GAREM1: variants seen among roughly 807,000 people sequenced by gnomAD.
GAREM1 encodes the protein GRB2-associated and regulator of MAPK protein 1.
In GAREM1, 26 loss-of-function variants were observed where a neutral mutation model predicts 71.3. The observed-to-expected ratio is 0.36, with a 90% confidence interval of 0.27 to 0.51. The LOEUF (loss-of-function observed/expected upper bound fraction) is 0.51. Ranked by LOEUF, GAREM1 falls within the 20% of genes least tolerant of loss-of-function variation. The pLI, the probability that GAREM1 is intolerant of heterozygous loss-of-function variation, is 0.95. For missense variants in GAREM1, 1,026 were observed against 1,103.1 expected (o/e 0.93, Z 0.99); for synonymous variants, 440 against 433.2 (o/e 1.02, Z -0.20).
At chr18:32,355,770 G>A (rs775777779) in intron 2 of GAREM1, among the ~76,000 whole-genome samples, 3 of 152,072 alleles carry the variant, frequency 2.0e-5, no homozygotes, top group Non-Finnish European at 4.4e-5. Context: ...AGATTTTTAA[G>A]CAAATGGATG....
At chr18:32,353,611 A>G (rs2047775182) in intron 2 of GAREM1, among the ~76,000 whole-genome samples, 1 of 152,252 alleles carries the variant, frequency 6.6e-6, no homozygotes, top group Non-Finnish European at 1.5e-5. Context: ...ATTAAAAATA[A>G]CTTAAAGTTT....
At chr18:32,295,735 G>A (rs1474357034) in intron 3 of GAREM1, among the ~76,000 whole-genome samples, 2 of 152,168 alleles carry the variant, frequency 1.3e-5, no homozygotes, top group Non-Finnish European at 2.9e-5. Context: ...TTCTCCGTAG[G>A]AGACATTGTA....
In GAREM1 at chr18:32,268,667, A is replaced by C. The variant is rs377655154; in HGVS notation, c.1835T>G (p.Phe612Cys). The C allele has an allele frequency of 2.2e-4, 356 of 1,614,078 alleles. No homozygotes were observed. Among genetic ancestry groups the C allele is most frequent in the Non-Finnish European group, 2.9e-4 (338 of 1,180,032 alleles). ...KTDSVDLKSP[F>C]GSPSAEAVSS... is the part of the protein sequence containing the mutation. ...CACAGCTTCAGCAGAAGGACTTCCA[A>C]ACGGGGATTTCAGGTCCACAGAATC... The change falls in exon 6 of 6, where the codon TTT (phenylalanine) becomes TGT (cysteine). Residue 612 changes from phenylalanine to cysteine, a missense_variant. This residue lies in a region of GAREM1 where 636 missense variants were observed against 631.2 expected (regional missense o/e 1.01). Transcript: ENST00000269209.
rs191266406 is a variant in GAREM1, at chr18:32,391,736, A to C, written c.262+1159T>G. Among the ~76,000 whole-genome samples, 971 of 152,272 alleles carry C rather than the reference A, an allele frequency of 6.4e-3. 3 individuals are homozygous for C. Among genetic ancestry groups the C allele is most frequent in the Middle Eastern group, 0.014 (4 of 294 alleles). The stretch of plus-strand genomic sequence containing the variant: ...CAATCTAACAGATGTAATGCTTTCT[A>C]CAAGTATACATTTCTCTTTTTCCAT... On this transcript the variant is annotated intron_variant, in intron 2 of 5. Coordinates refer to ENST00000269209, the MANE Select transcript of GAREM1 (RefSeq NM_001242409.2).
At chr18:32,315,622 C>T (rs2047371236) in intron 2 of GAREM1, among the ~76,000 whole-genome samples, 1 of 151,740 alleles carries the variant, frequency 6.6e-6, no homozygotes. Flanking sequence ...AGACTAGCCA[C>T]ATTTCAAATG....
At chr18:32,456,031 GAATT>G (rs977431904) in intron 1 of GAREM1, among the ~76,000 whole-genome samples, 4 of 152,042 alleles carry the variant, frequency 2.6e-5, no homozygotes, top group African/African-American at 9.7e-5. Flanking sequence ...AAACAAAAAA[GAATT>G]AACCTTCCTA....
At chr18:32,411,711 G>C (rs2048419139) in intron 1 of GAREM1, among the ~76,000 whole-genome samples, 1 of 151,964 alleles carries the variant, frequency 6.6e-6, no homozygotes, top group South Asian at 2.1e-4. Flanking sequence ...GTAACTATCA[G>C]TTCAACTACA....
intron 3 of GAREM1, among the ~76,000 whole-genome samples, chr18:32,301,918 T>A (rs1278013739): frequency 6.6e-6 from 1 of 152,224 alleles, no homozygotes; most frequent in African/African-American, 2.4e-5. Context: ...ATGTATAACA[T>A]TCATAAAAGC....
intron 2 of GAREM1, among the ~76,000 whole-genome samples, chr18:32,323,905 G>A (rs2047452195): frequency 6.6e-6 from 1 of 152,102 alleles, no homozygotes; most frequent in Non-Finnish European, 1.5e-5. Flanking sequence ...GAAAACAAAG[G>A]TGAATAGAAA....
intron 2 of GAREM1, among the ~76,000 whole-genome samples, chr18:32,317,156 G>C (rs1005288788): frequency 2.0e-5 from 3 of 152,170 alleles, no homozygotes; most frequent in South Asian, 2.1e-4. Flanking sequence ...TGTAATCCCA[G>C]CACTTTGGCA....
At chr18:32,416,828 T>C (rs1235016485) in intron 1 of GAREM1, among the ~76,000 whole-genome samples, 2 of 152,030 alleles carry the variant, frequency 1.3e-5, no homozygotes, top group African/African-American at 4.8e-5. Context: ...TCTTGAGTGA[T>C]ACCCCACAAG....
chr18:32,278,256 C>T lies in GAREM1; in HGVS notation c.1567-7873G>A, dbSNP rs115164385. On this transcript the variant is annotated intron_variant, in intron 4 of 5. Coordinates refer to ENST00000269209, the MANE Select transcript of GAREM1 (RefSeq NM_001242409.2). ...ACATACAAGATGATGGATCTAGGGA[C>T]ATCTGCTGACAGGGCCATGTATTTC... Among the ~76,000 whole-genome samples, 724 of 152,256 alleles carry T rather than the reference C, an allele frequency of 4.8e-3. 7 individuals are homozygous for T. The highest frequency in any genetic ancestry group is 0.017 in the African/African-American group (698 of 41,530).
chr18:32,432,133 GAAATAGT>G (rs2048630356), intron 1 of GAREM1, among the ~76,000 whole-genome samples: 1 of 152,096 alleles, frequency 6.6e-6, no homozygotes, highest in South Asian at 2.1e-4. Flanking sequence ...AAGAATAATA[GAAATAGT>G]AAATATCTGG....
At chr18:32,388,231 T>A (rs1299773476) in intron 2 of GAREM1, among the ~76,000 whole-genome samples, 1 of 152,112 alleles carries the variant, frequency 6.6e-6, no homozygotes, top group Admixed American at 6.5e-5. Context: ...TCCATGCTCA[T>A]AATAGCAGGT....
rs1234971353 is a variant in GAREM1, at chr18:32,304,105, G to C, written c.393+6088C>G. On this transcript the variant is annotated intron_variant, in intron 3 of 5. Coordinates refer to ENST00000269209, the MANE Select transcript of GAREM1 (RefSeq NM_001242409.2). Reference sequence around the variant, plus strand: ...GTGGATCACTTGAGGTCAGGAGTTCGAGACCAGCCTGGCCAACATGGCGAA... The same window carrying C: ...GTGGATCACTTGAGGTCAGGAGTTCCAGACCAGCCTGGCCAACATGGCGAA... Among the ~76,000 whole-genome samples the C allele has an allele frequency of 2.0e-5, 3 of 151,358 alleles. No homozygotes were observed. The South Asian group carries it at 6.3e-4, about 32-fold the overall frequency.
intron 4 of GAREM1, among the ~76,000 whole-genome samples, chr18:32,270,722 G>A (rs2041448594): frequency 6.6e-6 from 1 of 152,048 alleles, no homozygotes; most frequent in Non-Finnish European, 1.5e-5. Flanking sequence ...TGGATAAAGA[G>A]GAAGTATTAA....
chr18:32,429,771 C>T (rs1437687926), intron 1 of GAREM1, among the ~76,000 whole-genome samples: 1 of 152,152 alleles, frequency 6.6e-6, no homozygotes, highest in Admixed American at 6.5e-5. Context: ...AACTTTAATT[C>T]TAAATGAACA....
At position 32,352,667 on chromosome 18, in the gene GAREM1, A is replaced by G. The variant is rs76121133; in HGVS notation, c.262+40228T>C. Among the ~76,000 whole-genome samples, 37 of 152,270 alleles carry G rather than the reference A, an allele frequency of 2.4e-4. No homozygotes were observed. The East Asian group carries it at 7.0e-3, about 29-fold the overall frequency. ...GACTTTTCCCTCATTTCTCTGATTT[A>G]CCTTTTCTTTCCTCAGGACCAGATT... On this transcript the variant is annotated intron_variant, in intron 2 of 5. Transcript: ENST00000269209.
At chr18:32,300,185 A>C (rs544624115) in intron 3 of GAREM1, among the ~76,000 whole-genome samples, 6 of 152,210 alleles carry the variant, frequency 3.9e-5, no homozygotes. Flanking sequence ...CTCATGCCCT[A>C]AAGACTCCAG....
Sources: allele counts gnomAD v4.1 joint callset (sites outside exome capture counted in the v4.1 genomes callset), GRCh38; gene constraint gnomAD v4.1.1; regional missense constraint gnomAD v4.1.1; transcripts MANE v1.5; gene names NCBI Gene and HGNC (gene_info 2026-07-23, HGNC 2026-07-21).